The following VWC2L variants were observed in gnomAD, a reference collection of about 807,000 sequenced individuals.
The protein encoded by VWC2L is von Willebrand factor C domain containing 2 like, also known as von Willebrand factor C domain-containing protein 2-like.
In VWC2L, 10 loss-of-function variants were observed where a neutral mutation model predicts 21.6. The observed-to-expected ratio is 0.46, with a 90% CI of 0.29 to 0.78. The LOEUF is 0.78. VWC2L is among the 30% of genes least tolerant of loss of function. VWC2L has a pLI of 0.10. For missense variants in VWC2L, 209 were observed against 277.1 expected, an observed-to-expected ratio of 0.75 and a Z score of 1.74; for synonymous variants, 96 against 94.3, an observed-to-expected ratio of 1.02 and a Z score of -0.10.
intron 3 of VWC2L, among the ~76,000 whole-genome samples, chr2:214,473,274 C>CTTCTATGTA (rs1315780375): frequency 6.6e-6 from 1 of 152,144 alleles, no homozygotes; most frequent in Non-Finnish European, 1.5e-5. Context: ...TGTTTGACCT[C>CTTCTATGTA]TTCTATGTAT....
At position 214,478,638 on chromosome 2, in the gene VWC2L, C is replaced by T. The variant is rs535196974; in HGVS notation, c.520+41880C>T. 4.6e-5 allele frequency among the ~76,000 whole-genome samples: 7 copies of T among 152,282 alleles called. 1 individual carries two copies. The South Asian group carries it at 1.0e-3, about 23-fold the overall frequency. On this transcript the variant is annotated intron_variant, in intron 3 of 3. Transcript: ENST00000312504. ...CCACTACCACACTGCAGCTTCCATG[C>T]GTGTCCTCACCCTCCAGGTAACACT...
At chr2:214,546,352 T>C (rs1689706389) in intron 3 of VWC2L, among the ~76,000 whole-genome samples, 1 of 152,146 alleles carries the variant, frequency 6.6e-6, no homozygotes, top group Non-Finnish European at 1.5e-5. Flanking sequence ...GCTCCCTAGA[T>C]CTTGTTTGCT....
At chr2:214,414,932 T>C (rs1702333076) in intron 2 of VWC2L, 3 of 245,116 alleles carry the variant, frequency 1.2e-5, no homozygotes, top group Non-Finnish European at 2.3e-5. Flanking sequence ...TAAATTAATT[T>C]TTTAATTGTG....
At chr2:214,455,584 C>A (rs1351512032) in intron 3 of VWC2L, among the ~76,000 whole-genome samples, 1 of 152,104 alleles carries the variant, frequency 6.6e-6, no homozygotes, top group Admixed American at 6.5e-5. Context: ...TTGAAATATA[C>A]AATATATTGT....
At chr2:214,516,611 A>G (rs1471102665) in intron 3 of VWC2L, among the ~76,000 whole-genome samples, 1 of 151,848 alleles carries the variant, frequency 6.6e-6, no homozygotes, top group Non-Finnish European at 1.5e-5. Flanking sequence ...TGCATAGCTT[A>G]TCGTTAAGCA....
At chr2:214,552,126 TCA>T (rs1456782332) in intron 3 of VWC2L, among the ~76,000 whole-genome samples, 1 of 152,260 alleles carries the variant, frequency 6.6e-6, no homozygotes, top group Non-Finnish European at 1.5e-5. Flanking sequence ...TCGCTGTGAT[TCA>T]CAGTTCCTGG....
intron 3 of VWC2L, among the ~76,000 whole-genome samples, chr2:214,556,202 A>C (rs1466628766): frequency 1.3e-5 from 2 of 152,180 alleles, no homozygotes; most frequent in East Asian, 3.8e-4. Context: ...GGAGGTTGCA[A>C]TGAACCGAGA....
At chr2:214,481,311 G>A (rs1688601085) in intron 3 of VWC2L, among the ~76,000 whole-genome samples, 1 of 152,134 alleles carries the variant, frequency 6.6e-6, no homozygotes, top group Non-Finnish European at 1.5e-5. Flanking sequence ...TCATCATCTT[G>A]CAACACTCCT....
chr2:214,422,516 T>C (rs1040365365), intron 2 of VWC2L, among the ~76,000 whole-genome samples: 1 of 152,210 alleles, frequency 6.6e-6, no homozygotes, highest in Non-Finnish European at 1.5e-5. Flanking sequence ...TATTTTTTAG[T>C]TGTCTTTTAG....
At chr2:214,515,341 A>G (rs1317981347) in intron 3 of VWC2L, among the ~76,000 whole-genome samples, 4 of 152,292 alleles carry the variant, frequency 2.6e-5, no homozygotes, top group East Asian at 1.9e-4. Context: ...CTGAAACCTA[A>G]AAGTACAATA....
At chr2:214,554,878 C>T (rs1439003284) in intron 3 of VWC2L, among the ~76,000 whole-genome samples, 1 of 152,110 alleles carries the variant, frequency 6.6e-6, no homozygotes, top group South Asian at 2.1e-4. Flanking sequence ...TGACATACTT[C>T]GAAATGGCCC....
At chr2:214,533,065 C>T (rs1305864707) in intron 3 of VWC2L, among the ~76,000 whole-genome samples, 4 of 152,036 alleles carry the variant, frequency 2.6e-5, no homozygotes, top group Non-Finnish European at 4.4e-5. Flanking sequence ...TCTACAACCT[C>T]TACAAGTGAG....
chr2:214,563,571 A>AAAAAAAAAAAAAAAAAAAAAAAAC (rs1690012168), intron 3 of VWC2L, among the ~76,000 whole-genome samples: 1 of 146,584 alleles, frequency 6.8e-6, no homozygotes, highest in Non-Finnish European at 1.5e-5. Flanking sequence ...AAAAAAAAAA[A>AAAAAAAAAAAAAAAAAAAAAAAAC]AAAAAAAAAA....
At chr2:214,511,057 C>T (rs928958994) in intron 3 of VWC2L, among the ~76,000 whole-genome samples, 1 of 152,034 alleles carries the variant, frequency 6.6e-6, no homozygotes, top group African/African-American at 2.4e-5. Context: ...GAGGCCAAGG[C>T]GGAAGGATCA....
chr2:214,496,648 T>C (rs1408012002), intron 3 of VWC2L, among the ~76,000 whole-genome samples: 1 of 152,234 alleles, frequency 6.6e-6, no homozygotes, highest in East Asian at 1.9e-4. Context: ...GAAGCACAGA[T>C]TGAAGGGAAA....
At chr2:214,570,044 G>A (rs2105933928) in intron 3 of VWC2L, among the ~76,000 whole-genome samples, 1 of 152,134 alleles carries the variant, frequency 6.6e-6, no homozygotes, top group South Asian at 2.1e-4. Flanking sequence ...TTTTCTGCTG[G>A]TTTTGTAGAA....
intron 3 of VWC2L, among the ~76,000 whole-genome samples, chr2:214,457,484 T>G (rs1208366948): frequency 6.6e-6 from 1 of 152,112 alleles, no homozygotes; most frequent in African/African-American, 2.4e-5. Flanking sequence ...TACCTTTCAT[T>G]TCCCTTGACT....
intron 3 of VWC2L, among the ~76,000 whole-genome samples, chr2:214,498,220 G>C (rs1688838367): frequency 6.6e-6 from 1 of 152,176 alleles, no homozygotes. Flanking sequence ...TTTCAGAAGT[G>C]CTAGAAAATG....
At chr2:214,518,186 G>C (rs1393137986) in intron 3 of VWC2L, among the ~76,000 whole-genome samples, 1 of 151,810 alleles carries the variant, frequency 6.6e-6, no homozygotes, top group Non-Finnish European at 1.5e-5. Context: ...AAATGAATTA[G>C]TACTGTATGT....
Sources: allele counts gnomAD v4.1 joint callset (sites outside exome capture counted in the v4.1 genomes callset), GRCh38; gene constraint gnomAD v4.1.1; transcripts MANE v1.5; gene names NCBI Gene and HGNC (gene_info 2026-07-23, HGNC 2026-07-21).